Variants in CCDC170 observed in about 807,000 individuals in gnomAD.
CCDC170 encodes coiled-coil domain-containing protein 170.
In CCDC170, 69 loss-of-function variants were observed where a neutral mutation model predicts 72.6. That is an observed-to-expected ratio of 0.95 (90% confidence interval 0.78 to 1.16). The LOEUF is 1.16. Ranked by LOEUF, CCDC170 falls within the 50% of genes most tolerant of loss-of-function variation. The pLI is 0.00. For missense variants in CCDC170, 852 were observed against 832.5 expected, an observed-to-expected ratio of 1.02 and a Z score of -0.29; for synonymous variants, 300 against 303.9, an observed-to-expected ratio of 0.99 and a Z score of 0.13.
At chr6:151,592,380 CAAAT>C in intron 7 of CCDC170, among the ~76,000 whole-genome samples, 1 of 151,660 alleles carries the variant, frequency 6.6e-6, no homozygotes, top group East Asian at 1.9e-4. Flanking sequence ...AATAAATAAA[CAAAT>C]AAATAAATAA....
At chr6:151,561,398 G>C (rs1024573898) in intron 5 of CCDC170, among the ~76,000 whole-genome samples, 1 of 151,940 alleles carries the variant, frequency 6.6e-6, no homozygotes, top group Non-Finnish European at 1.5e-5. Context: ...AGCATTTCTT[G>C]TAGGTCTGGT....
chr6:151,573,327 A>T lies in CCDC170; in HGVS notation c.928A>T (p.Lys310Ter), dbSNP rs1361008158. The change falls in exon 6 of 11, where the codon AAG (lysine) becomes TAG (stop). Residue 310 changes from lysine to a stop codon, truncating the protein, a stop_gained. Coordinates refer to ENST00000239374, the MANE Select transcript of CCDC170 (RefSeq NM_025059.4). LOFTEE classifies it high-confidence loss of function. ...KSSSELEKSL[K>*]ASQDAVTTSQ... ...CTCTTCTGAGTTGGAGAAGAGTTTG[A>T]AGGCCAGTCAGGATGCAGTCACAAC... 1 of 1,614,202 alleles carries T rather than the reference A, an allele frequency of 6.2e-7. No homozygotes were observed. The highest frequency in any genetic ancestry group is 1.3e-5 in the African/African-American group (1 of 75,064).
At chr6:151,537,467 A>G (rs1782607776) in intron 2 of CCDC170, among the ~76,000 whole-genome samples, 2 of 152,246 alleles carry the variant, frequency 1.3e-5, no homozygotes, top group Non-Finnish European at 2.9e-5. Context: ...GCATTTCGAT[A>G]TCACAGAACT....
chr6:151,564,674 G>A (rs946782813), intron 5 of CCDC170, among the ~76,000 whole-genome samples: 5 of 152,198 alleles, frequency 3.3e-5, no homozygotes, highest in African/African-American at 4.8e-5. Flanking sequence ...TGTGGTGGTA[G>A]CAACAGGGTG....
At chr6:151,568,065 A>C (rs1260126994) in intron 5 of CCDC170, among the ~76,000 whole-genome samples, 1 of 131,342 alleles carries the variant, frequency 7.6e-6, no homozygotes. Context: ...AGCTGAAATC[A>C]TGCCACTGCA....
intron 1 of CCDC170, among the ~76,000 whole-genome samples, chr6:151,501,035 T>C (rs1037915041): frequency 3.3e-5 from 5 of 152,300 alleles, no homozygotes; most frequent in Admixed American, 2.0e-4. Context: ...AAATGCCTTT[T>C]GTCTATGAAA....
intron 1 of CCDC170, among the ~76,000 whole-genome samples, chr6:151,526,463 G>T (rs373388290): frequency 6.7e-6 from 1 of 149,994 alleles, no homozygotes; most frequent in Non-Finnish European, 1.5e-5. Context: ...CTAGTGATCC[G>T]CTTGCCTTGG....
intron 7 of CCDC170, among the ~76,000 whole-genome samples, chr6:151,586,527 A>G (rs1470184877): frequency 6.6e-6 from 1 of 152,196 alleles, no homozygotes; most frequent in African/African-American, 2.4e-5. Flanking sequence ...AAGTCAGATT[A>G]TAGTGGAGAC....
chr6:151,591,160 T>G (rs114782546), intron 7 of CCDC170, among the ~76,000 whole-genome samples: 2,425 of 152,316 alleles, frequency 0.016, 76 homozygotes, highest in African/African-American at 0.056. Context: ...TGGGCTTTAA[T>G]CTGGTGTGCT....
rs139124488 is a variant in CCDC170, at chr6:151,602,139, C to T, written c.1710+5562C>T. Among the ~76,000 whole-genome samples, 10 of 152,230 alleles carry T rather than the reference C, an allele frequency of 6.6e-5. No individual in the cohort carries two copies. The East Asian group carries it at 1.7e-3, about 26-fold the overall frequency. ...TATATAAATCTTCTGTTTTAAGACC[C>T]AGGCTGTAAATTTACTCCTGAATTC... On this transcript the variant is annotated intron_variant, in intron 9 of 10. Transcript: ENST00000239374.
In CCDC170 at chr6:151,524,929, C is replaced by CTTTTT. The variant is rs34288029; in HGVS notation, c.58-11372_58-11368dup. Among the ~76,000 whole-genome samples, 466 of 109,994 alleles carry CTTTTT rather than the reference C, an allele frequency of 4.2e-3. 4 individuals carry two copies. The highest frequency in any genetic ancestry group is 0.016 in the East Asian group (53 of 3,312). The allele number at this position is 109,994 out of a possible 152,430, so 72.2% of individuals were successfully genotyped here. A position where few individuals can be genotyped will look rare whatever the true frequency, so the allele number is the denominator to read the frequency against. ...AGATCCAAATGGATTTAGTCTGATT[C>CTTTTT]TTTTTTTTTTTTTTTTTTTTTGAGA... On this transcript the variant is annotated intron_variant, in intron 1 of 10. Coordinates refer to ENST00000239374, the MANE Select transcript of CCDC170 (RefSeq NM_025059.4).
chr6:151,551,522 G>T (rs1782878230), intron 5 of CCDC170, among the ~76,000 whole-genome samples: 2 of 152,200 alleles, frequency 1.3e-5, no homozygotes, highest in Non-Finnish European at 2.9e-5. Flanking sequence ...AAAGGCTGTG[G>T]CTTCTGTCTT....
At chr6:151,542,827 A>G (rs1782711721) in intron 3 of CCDC170, among the ~76,000 whole-genome samples, 1 of 152,242 alleles carries the variant, frequency 6.6e-6, no homozygotes, top group South Asian at 2.1e-4. Context: ...CTATATGTAT[A>G]TCAATCAGCA....
chr6:151,611,955 C>T (rs1372819059), intron 9 of CCDC170, among the ~76,000 whole-genome samples: 3 of 152,126 alleles, frequency 2.0e-5, no homozygotes, highest in African/African-American at 4.8e-5. Context: ...GTGATCCACC[C>T]GCCTTGTTCT....
chr6:151,514,465 G>A (rs1782205774), intron 1 of CCDC170, among the ~76,000 whole-genome samples: 1 of 150,350 alleles, frequency 6.7e-6, no homozygotes, highest in Non-Finnish European at 1.5e-5. Flanking sequence ...ACTCTTGAAT[G>A]GGGCCCAGAC....
chr6:151,501,577 A>T (rs928145537), intron 1 of CCDC170, among the ~76,000 whole-genome samples: 5 of 152,324 alleles, frequency 3.3e-5, no homozygotes, highest in Admixed American at 2.0e-4. Context: ...TAGCTTTAAC[A>T]TTTAGTTTCT....
chr6:151,504,715 G>A (rs1782041779), intron 1 of CCDC170, among the ~76,000 whole-genome samples: 1 of 151,922 alleles, frequency 6.6e-6, no homozygotes, highest in Non-Finnish European at 1.5e-5. Context: ...TGTGCCATCA[G>A]GACATGCAAA....
At chr6:151,551,185 A>C (rs553194615) in intron 5 of CCDC170, among the ~76,000 whole-genome samples, 1 of 152,342 alleles carries the variant, frequency 6.6e-6, no homozygotes, top group East Asian at 1.9e-4. Flanking sequence ...ATTTTACATA[A>C]TATGTATTTG....
intron 5 of CCDC170, among the ~76,000 whole-genome samples, chr6:151,566,692 G>GA: frequency 6.6e-6 from 1 of 152,178 alleles, no homozygotes; most frequent in South Asian, 2.1e-4. Flanking sequence ...TTAGTATAAT[G>GA]AATCACTAGT....
Sources: gnomAD v4.1 joint callset for allele counts (sites outside exome capture counted in the v4.1 genomes callset) on GRCh38, gnomAD v4.1.1 for gene constraint, MANE v1.5 for transcripts, NCBI Gene and HGNC (gene_info 2026-07-23, HGNC 2026-07-21) for gene names.